The following CCDC88A variants were observed in gnomAD, a reference collection of about 807,000 sequenced individuals.
CCDC88A encodes the protein girdin.
CCDC88A carries 54 observed loss-of-function variants against 234.3 expected under a neutral mutation model. The ratio of observed to expected loss-of-function variants is 0.23; its 90% CI spans 0.19 to 0.29. The LOEUF (loss-of-function observed/expected upper bound fraction) is 0.29. Among genes scored for constraint, CCDC88A ranks in the 10% least tolerant of loss-of-function variants. The pLI is 1.00. For missense variants in CCDC88A, 1,832 were observed against 2,123.4 expected (o/e 0.86, Z 2.70); for synonymous variants, 753 against 737.8 (o/e 1.02, Z -0.33).
At chr2:55,382,650 T>A (rs982833756) in intron 3 of CCDC88A, among the ~76,000 whole-genome samples, 37 of 152,264 alleles carry the variant, frequency 2.4e-4, no homozygotes, top group African/African-American at 8.9e-4. Context: ...ACAGCTATAA[T>A]TTACTTTATT....
intron 2 of CCDC88A, among the ~76,000 whole-genome samples, chr2:55,406,878 G>C (rs191299882): frequency 5.3e-5 from 8 of 152,306 alleles, no homozygotes; most frequent in Admixed American, 3.9e-4. Context: ...ATAATGTGAA[G>C]TTCAACTTTT....
chr2:55,350,317 T>A (rs1308891027), intron 8 of CCDC88A: 1 of 152,202 alleles, frequency 6.6e-6, no homozygotes, highest in East Asian at 1.9e-4. Context: ...GGAAATTACA[T>A]ACTTCCAATT....
intron 3 of CCDC88A, among the ~76,000 whole-genome samples, chr2:55,386,184 T>C (rs1341945909): frequency 1.3e-5 from 2 of 150,172 alleles, no homozygotes; most frequent in Non-Finnish European, 2.9e-5. Context: ...ATCATGCCAC[T>C]GCCCTCCAGC....
At chr2:55,384,411 A>G (rs955228819) in intron 3 of CCDC88A, among the ~76,000 whole-genome samples, 2 of 148,408 alleles carry the variant, frequency 1.3e-5, no homozygotes, top group African/African-American at 4.9e-5. Flanking sequence ...TATATTATCT[A>G]TTTTTTTTCT....
Position 55,419,169 on chromosome 2 carries a change from G to T in CCDC88A, c.-90C>A. On this transcript the variant is annotated 5_prime_UTR_variant, in exon 1 of 33. It introduces an in-frame stop codon into an upstream open reading frame of the 5' UTR. Transcript: ENST00000436346. ...AACGTGGAAGTAAGTAGAAATCAAT[G>T]AAAGTCCATTTCGGCAAGGGAGAAA... 2 of 795,526 alleles carry T rather than the reference G, an allele frequency of 2.5e-6. No individual in the cohort carries two copies. Among genetic ancestry groups the T allele is most frequent in the African/African-American group, 1.7e-5 (1 of 57,476 alleles). The allele number at this position is 795,526 out of a possible 1,614,324, so 49.3% of individuals were successfully genotyped here.
intron 3 of CCDC88A, among the ~76,000 whole-genome samples, chr2:55,377,558 GC>G (rs1254329382): frequency 2.0e-5 from 3 of 151,856 alleles, no homozygotes; most frequent in Admixed American, 6.6e-5. Context: ...AGACGAAAGA[GC>G]CTTCAAATTC....
chr2:55,339,067 T>C (rs1668144923), intron 13 of CCDC88A: 1 of 156,836 alleles, frequency 6.4e-6, no homozygotes, highest in Admixed American at 6.4e-5. Flanking sequence ...AGAGAGATTC[T>C]CCTGCCTCAT....
intron 3 of CCDC88A, among the ~76,000 whole-genome samples, chr2:55,381,407 G>A (rs981108062): frequency 6.6e-6 from 1 of 152,016 alleles, no homozygotes; most frequent in Admixed American, 6.6e-5. Flanking sequence ...AACAAAATTA[G>A]CCGGGTGTAG....
chr2:55,324,738 T>C (rs533834852), intron 17 of CCDC88A, among the ~76,000 whole-genome samples: 1 of 152,184 alleles, frequency 6.6e-6, no homozygotes, highest in East Asian at 1.9e-4. Context: ...CTCCACCTCC[T>C]GGGTTCAAGT....
At chr2:55,330,425 A>G (rs1684778155) in intron 16 of CCDC88A, among the ~76,000 whole-genome samples, 1 of 152,094 alleles carries the variant, frequency 6.6e-6, no homozygotes, top group South Asian at 2.1e-4. Context: ...GTGAGCCGAG[A>G]TTGTGCCACT....
At chr2:55,325,519 A>G (rs1416390369) in intron 17 of CCDC88A, among the ~76,000 whole-genome samples, 6 of 152,098 alleles carry the variant, frequency 3.9e-5, no homozygotes, top group Non-Finnish European at 7.4e-5. Flanking sequence ...TATGCCTTTC[A>G]TTTCTTCTTA....
rs1680224274 is a variant in CCDC88A at position 55,297,340 on chromosome 2, T to TTATATATTATATATAATATATATAA, written c.4826-818_4826-817insTTATATATATTATATATAATATATA. On this transcript the variant is annotated intron_variant, in intron 29 of 32. Coordinates refer to ENST00000436346, the MANE Select transcript of CCDC88A (RefSeq NM_001365480.1). ...AATATATAATATATAATATATAAAT[T>TTATATATTATATATAATATATATAA]TATATATTATATATAAATATATATA... Among the ~76,000 whole-genome samples, 10 of 36,842 alleles carry TTATATATTATATATAATATATATAA rather than the reference T, an allele frequency of 2.7e-4. No individual in the cohort carries two copies. In the East Asian group the frequency reaches 3.4e-3, roughly 13 times the overall value. 24.2% of individuals were successfully genotyped at this position (36,842 alleles called of 152,430 possible).
intron 2 of CCDC88A, among the ~76,000 whole-genome samples, chr2:55,395,125 C>T (rs576777138): frequency 2.7e-4 from 41 of 152,244 alleles, no homozygotes; most frequent in African/African-American, 9.1e-4. Flanking sequence ...GGATCACAGG[C>T]GTGAGCCACT....
At chr2:55,330,107 G>A (rs1684741291) in intron 16 of CCDC88A, 1 of 151,876 alleles carries the variant, frequency 6.6e-6, no homozygotes, top group Non-Finnish European at 1.5e-5. Context: ...TTATACATTC[G>A]ATTCCAAAAC....
intron 8 of CCDC88A, among the ~76,000 whole-genome samples, chr2:55,354,210 G>T (rs1364180696): frequency 6.6e-6 from 1 of 150,532 alleles, no homozygotes; most frequent in Non-Finnish European, 1.5e-5. Context: ...GTGTGATCTT[G>T]ACTCACTGCA....
chr2:55,295,930 G>T lies in CCDC88A; in HGVS notation c.5218C>A (p.Pro1740Thr). The change falls in exon 31 of 33, where the codon CCA (proline) becomes ACA (threonine). Residue 1740 changes from proline (P) to threonine (T), a missense_variant. This residue lies in a region of CCDC88A where 422 missense variants were observed against 416.5 expected (regional missense o/e 1.01). Transcript: ENST00000436346. ...GTCCGTCTATCATAGAAGTCCCCTG[G>T]GGTTTTTCCACTTACTGACCTGGCC... The part of the protein sequence containing the change: ...GLARSVSGKT[P>T]GDFYDRRTTK... The T allele has an allele frequency of 6.2e-7, 1 of 1,614,032 alleles. No homozygotes were observed. Among genetic ancestry groups the T allele is most frequent in the Non-Finnish European group, 8.5e-7 (1 of 1,180,002 alleles).
rs1348177336 is a variant in CCDC88A at position 55,287,956 on chromosome 2, CAAACAGTGGTAT to C, written c.*3232_*3243del. 5 of 152,616 alleles carry C rather than the reference CAAACAGTGGTAT, an allele frequency of 3.3e-5. No individual in the cohort carries two copies. The East Asian group carries it at 9.6e-4, about 29-fold the overall frequency. The allele number at this position is 152,616 out of a possible 1,614,324, so 9.5% of individuals were successfully genotyped here. ...AAAATGAAAAATGTTTTTTAAAAAA[CAAACAGTGGTAT>C]CTCTTGTCATGAGTTGGATGCCTGT... On this transcript the variant is annotated 3_prime_UTR_variant, in exon 33 of 33. Transcript: ENST00000436346.
At position 55,296,352 on chromosome 2, in the gene CCDC88A, C is replaced by T. The variant is rs776076048; in HGVS notation, c.4997G>A (p.Ser1666Asn). 5.6e-6 allele frequency: 9 copies of T among 1,614,180 alleles called. No homozygotes were observed. Among genetic ancestry groups the T allele is most frequent in the Non-Finnish European group, 7.6e-6 (9 of 1,180,024 alleles). The change falls in exon 30 of 33, where the codon AGT becomes AAT. Residue 1666 changes from serine (S) to asparagine (N), a missense_variant. By Grantham distance (46) the Ser-to-Asn change is conservative (BLOSUM62 1). This residue lies in a region of CCDC88A where 422 missense variants were observed against 416.5 expected (regional missense o/e 1.01). Coordinates refer to ENST00000436346, the MANE Select transcript of CCDC88A (RefSeq NM_001365480.1). ...LQHKISETLE[S>N]RHHKIKTGSP... ...ACCAGTTTTGATCTTGTGATGTCGA[C>T]TCTCCAGTGTTTCAGATATTTTGTG...
rs1558788764 is a variant in CCDC88A at position 55,384,610 on chromosome 2, T to TATGC, written c.273+4167_273+4168insGCAT. 1.7e-5 allele frequency among the ~76,000 whole-genome samples: 2 copies of TATGC among 115,196 alleles called. 1 individual carries two copies. The highest frequency in any genetic ancestry group is 9.2e-5 in the African/African-American group (2 of 21,824). The allele number at this position is 115,196 out of a possible 152,430, so 75.6% of individuals were successfully genotyped here. ...ATATACACATATATACGTATATATG[T>TATGC]GTATATATACGTATATATATGTATA... On this transcript the variant is annotated intron_variant, in intron 3 of 32. Transcript: ENST00000436346.
Sources: gnomAD v4.1 joint callset for allele counts (sites outside exome capture counted in the v4.1 genomes callset) on GRCh38, gnomAD v4.1.1 for gene constraint, gnomAD v4.1.1 regional missense constraint, MANE v1.5 for transcripts, NCBI Gene and HGNC (gene_info 2026-07-23, HGNC 2026-07-21) for gene names.